Variants in HPSE2 observed in about 807,000 individuals in gnomAD.
The protein encoded by HPSE2 is heparanase 2 (inactive), also known as inactive heparanase-2.
In HPSE2, 38 loss-of-function variants were observed where a neutral mutation model predicts 60.5. The ratio of observed to expected loss-of-function variants is 0.63; its 90% CI spans 0.48 to 0.82. The LOEUF is 0.82. HPSE2 is among the 40% of genes least tolerant of loss of function. The pLI is 0.00. For synonymous variants in HPSE2, 295 were observed against 293.2 expected (o/e 1.01, Z -0.06); for missense variants, 713 against 740.4 (o/e 0.96, Z 0.43).
chr10:98,552,169 T>C (rs1943882612), intron 9 of HPSE2, among the ~76,000 whole-genome samples: 1 of 152,110 alleles, frequency 6.6e-6, no homozygotes, highest in African/African-American at 2.4e-5. Flanking sequence ...GAATTTAGTT[T>C]TGGGATATGC....
At chr10:98,509,694 G>T (rs1417344445) in intron 9 of HPSE2, among the ~76,000 whole-genome samples, 1 of 152,048 alleles carries the variant, frequency 6.6e-6, no homozygotes, top group Non-Finnish European at 1.5e-5. Flanking sequence ...TAGAGATGGG[G>T]TTTCACCATC....
chr10:99,034,572 C>A (rs116820842), intron 3 of HPSE2, among the ~76,000 whole-genome samples: 1 of 151,864 alleles, frequency 6.6e-6, no homozygotes, highest in Non-Finnish European at 1.5e-5. Context: ...TTACATGATA[C>A]GTGTACACAG....
At chr10:98,619,738 C>T (rs749461716) in intron 8 of HPSE2, among the ~76,000 whole-genome samples, 1 of 152,260 alleles carries the variant, frequency 6.6e-6, no homozygotes, top group Non-Finnish European at 1.5e-5. Flanking sequence ...CACCATGACT[C>T]CCACCTATAG....
chr10:99,016,368 C>A (rs1957141635), intron 3 of HPSE2, among the ~76,000 whole-genome samples: 1 of 152,016 alleles, frequency 6.6e-6, no homozygotes, highest in African/African-American at 2.4e-5. Flanking sequence ...TTTCCAAGTT[C>A]TGTATTTGGT....
At chr10:99,079,161 T>A (rs1245489001) in intron 3 of HPSE2, among the ~76,000 whole-genome samples, 1 of 152,118 alleles carries the variant, frequency 6.6e-6, no homozygotes, top group Non-Finnish European at 1.5e-5. Flanking sequence ...GGCAGCAAAG[T>A]ATGCTGGGTC....
At chr10:98,895,419 G>A (rs1243361865) in intron 3 of HPSE2, among the ~76,000 whole-genome samples, 1 of 152,118 alleles carries the variant, frequency 6.6e-6, no homozygotes, top group East Asian at 1.9e-4. Flanking sequence ...GCTGAAAATT[G>A]AATGCAGAAT....
At chr10:99,232,575 G>A (rs1849693696) in intron 1 of HPSE2, 70 bp from the exon 2 acceptor site, 1 of 1,504,468 alleles carries the variant, frequency 6.6e-7, no homozygotes, top group Non-Finnish European at 9.0e-7. Context: ...CACGGAGAAG[G>A]GCCCTCTTCC....
chr10:98,579,945 C>T (rs1944746573), intron 9 of HPSE2, among the ~76,000 whole-genome samples: 1 of 152,212 alleles, frequency 6.6e-6, no homozygotes, highest in South Asian at 2.1e-4. Context: ...CCAATCTGGA[C>T]TATCTGCACT....
At chr10:99,118,480 G>A (rs911917470) in intron 3 of HPSE2, among the ~76,000 whole-genome samples, 4 of 136,736 alleles carry the variant, frequency 2.9e-5, no homozygotes, top group East Asian at 2.2e-4. Flanking sequence ...CTGAGATCAC[G>A]CCACTGCACT....
rs1438434197 is a variant in HPSE2 at position 99,122,556 on chromosome 10, G to GA, written c.610+21681dup. On this transcript the variant is annotated intron_variant, in intron 3 of 11. Transcript: ENST00000370552. Reference sequence around the variant, plus strand: ...TACACCAGAAAAAAACTTACAAGTGGAAAAAAATTCACTCTCAATAAAACT... The same window carrying GA: ...TACACCAGAAAAAAACTTACAAGTGGAAAAAAAATTCACTCTCAATAAAACT... 3.3e-5 allele frequency among the ~76,000 whole-genome samples: 5 copies of GA among 151,634 alleles called. No homozygotes were observed. In the South Asian group the frequency reaches 8.3e-4, roughly 25 times the overall value.
intron 3 of HPSE2, among the ~76,000 whole-genome samples, chr10:98,997,589 G>C (rs1564724486): frequency 1.3e-5 from 2 of 152,196 alleles, no homozygotes; most frequent in South Asian, 4.1e-4. Flanking sequence ...TCCAGCATTT[G>C]TATTTTATAC....
intron 9 of HPSE2, among the ~76,000 whole-genome samples, chr10:98,577,738 T>A (rs1218117378): frequency 6.6e-6 from 1 of 152,180 alleles, no homozygotes; most frequent in Non-Finnish European, 1.5e-5. Context: ...CTGCTCACTA[T>A]CACTACCTAA....
At chr10:99,169,109 C>T (rs574528478) in intron 2 of HPSE2, among the ~76,000 whole-genome samples, 95 of 148,644 alleles carry the variant, frequency 6.4e-4, no homozygotes, top group Admixed American at 8.2e-4. Flanking sequence ...GGGAGAATGG[C>T]GTGAACCCAG....
rs1951490386 is a variant in HPSE2, at chr10:98,824,236, C to T, written c.611-80180G>A. Among the ~76,000 whole-genome samples, 3 of 152,160 alleles carry T rather than the reference C, an allele frequency of 2.0e-5. No homozygotes were observed. The South Asian group carries it at 6.2e-4, about 32-fold the overall frequency. On this transcript the variant is annotated intron_variant, in intron 3 of 11. Transcript: ENST00000370552. ...TAAGAAGATAAACAATGGTTATCTTCAAAGAGGAGATTAAGGTTAGTGAGC... is the reference window on the plus strand; with the variant it reads ...TAAGAAGATAAACAATGGTTATCTTTAAAGAGGAGATTAAGGTTAGTGAGC...
chr10:98,662,757 G>A (rs1947258046), intron 6 of HPSE2, among the ~76,000 whole-genome samples: 1 of 152,168 alleles, frequency 6.6e-6, no homozygotes, highest in African/African-American at 2.4e-5. Flanking sequence ...AGAAAACAAT[G>A]TCTAGTCTAG....
At chr10:99,141,782 A>T (rs1166943562) in intron 3 of HPSE2, among the ~76,000 whole-genome samples, 1 of 152,252 alleles carries the variant, frequency 6.6e-6, no homozygotes, top group Non-Finnish European at 1.5e-5. Context: ...AAGGTGGAAC[A>T]TCAAAGAATG....
intron 3 of HPSE2, among the ~76,000 whole-genome samples, chr10:98,965,533 T>G (rs1412682679): frequency 6.6e-6 from 1 of 152,076 alleles, no homozygotes; most frequent in Non-Finnish European, 1.5e-5. Flanking sequence ...AGTTCAATGA[T>G]TCTCTTCTCT....
intron 6 of HPSE2, among the ~76,000 whole-genome samples, chr10:98,646,225 A>T (rs1946764919): frequency 6.6e-6 from 1 of 152,266 alleles, no homozygotes; most frequent in Admixed American, 6.5e-5. Flanking sequence ...TATCATTTAT[A>T]TTTGGGCATG....
At chr10:99,102,108 A>C (rs1374812623) in intron 3 of HPSE2, among the ~76,000 whole-genome samples, 1 of 152,240 alleles carries the variant, frequency 6.6e-6, no homozygotes, top group African/African-American at 2.4e-5. Context: ...AAAAGCTAGC[A>C]GAAGGCAAGA....
Sources: gnomAD v4.1 joint callset for allele counts (sites outside exome capture counted in the v4.1 genomes callset) on GRCh38, gnomAD v4.1.1 for gene constraint, MANE v1.5 for transcripts, NCBI Gene and HGNC (gene_info 2026-07-23, HGNC 2026-07-21) for gene names.